The following COL5A2 variants were observed in gnomAD, a reference collection of about 807,000 sequenced individuals.
The protein encoded by COL5A2 is collagen type V alpha 2 chain.
Under a neutral mutation model 208.2 loss-of-function variants are expected in COL5A2, and 23 were observed. The ratio of observed to expected loss-of-function variants is 0.11; its 90% CI spans 0.08 to 0.16. The LOEUF is 0.16. Ranked by LOEUF, COL5A2 falls within the 10% of genes least tolerant of loss-of-function variation. The pLI, the probability that COL5A2 is intolerant of heterozygous loss-of-function variation, is 1.00. For missense variants in COL5A2, 1,590 were observed against 1,956.4 expected, an observed-to-expected ratio of 0.81 and a Z score of 3.53; for synonymous variants, 625 against 628.5, an observed-to-expected ratio of 0.99 and a Z score of 0.08.
chr2:189,192,241 G>T (rs1688940536), intron 1 of COL5A2, among the ~76,000 whole-genome samples: 1 of 151,976 alleles, frequency 6.6e-6, no homozygotes, highest in Non-Finnish European at 1.5e-5. Context: ...TGAAGAAAAG[G>T]AAATGAATAC....
intron 1 of COL5A2, among the ~76,000 whole-genome samples, chr2:189,149,238 A>C (rs1258830260): frequency 6.6e-6 from 1 of 152,224 alleles, no homozygotes; most frequent in Non-Finnish European, 1.5e-5. Flanking sequence ...TGTTAGGTGA[A>C]GATTTTCCCA....
At chr2:189,058,972 A>G in intron 31 of COL5A2, 79 bp from the exon 32 acceptor site, 1 of 1,152,528 alleles carries the variant, frequency 8.7e-7, no homozygotes, top group East Asian at 2.4e-5. Flanking sequence ...CAGTTCATAC[A>G]CCTAGTTTCT....
the COL5A2 span, among the ~76,000 whole-genome samples, chr2:189,270,792 TA>T: frequency 6.6e-5 from 10 of 152,134 alleles, no homozygotes; most frequent in Non-Finnish European, 1.3e-4. Flanking sequence ...CTTAAGCTGA[TA>T]AGCAACTTCA....
At chr2:189,151,189 T>TA (rs1688134520) in intron 1 of COL5A2, among the ~76,000 whole-genome samples, 1 of 152,112 alleles carries the variant, frequency 6.6e-6, no homozygotes, top group Non-Finnish European at 1.5e-5. Flanking sequence ...ATCTTACTCT[T>TA]ACATTCTTTG....
the COL5A2 span, among the ~76,000 whole-genome samples, chr2:189,267,818 T>C: frequency 1.3e-5 from 2 of 152,244 alleles, no homozygotes; most frequent in South Asian, 2.1e-4. Flanking sequence ...TGGCCAACTA[T>C]GAAAATAAAT....
chr2:189,238,994 C>G, the COL5A2 span, among the ~76,000 whole-genome samples: 5 of 152,166 alleles, frequency 3.3e-5, no homozygotes, highest in Admixed American at 2.0e-4. Flanking sequence ...ATTAGGTATT[C>G]TTTTTACACA....
At chr2:189,336,864 T>C in the COL5A2 span, among the ~76,000 whole-genome samples, 1 of 152,166 alleles carries the variant, frequency 6.6e-6, no homozygotes, top group Non-Finnish European at 1.5e-5. Context: ...CTTTAAACAT[T>C]AAATAAACAT....
At chr2:189,134,991 C>T (rs182889999) in intron 1 of COL5A2, among the ~76,000 whole-genome samples, 30 of 152,098 alleles carry the variant, frequency 2.0e-4, no homozygotes, top group African/African-American at 6.7e-4. Flanking sequence ...AGTTATCTTG[C>T]CTTTAAGGAT....
chr2:189,034,789 A>G, intron 53 of COL5A2, 127 bp downstream of exon 53: 4 of 1,066,696 alleles, frequency 3.7e-6, no homozygotes, highest in Non-Finnish European at 4.2e-6. Flanking sequence ...AGGAATGACT[A>G]TAAACAAACT....
the COL5A2 span, among the ~76,000 whole-genome samples, chr2:189,438,510 A>G: frequency 1.3e-5 from 2 of 152,234 alleles, no homozygotes; most frequent in Non-Finnish European, 2.9e-5. Context: ...AATACCACTC[A>G]GCAATATAAA....
the COL5A2 span, among the ~76,000 whole-genome samples, chr2:189,300,866 C>G: frequency 2.5e-4 from 38 of 152,268 alleles, no homozygotes; most frequent in African/African-American, 8.4e-4. Flanking sequence ...TGTTCACCAT[C>G]TCAAAGGATT....
At chr2:189,199,527 C>G (rs1689045817) in intron 1 of COL5A2, among the ~76,000 whole-genome samples, 1 of 152,132 alleles carries the variant, frequency 6.6e-6, no homozygotes, top group Non-Finnish European at 1.5e-5. Context: ...TACAAGCAAA[C>G]AGATGTTTAT....
At chr2:189,040,934 C>T (rs1685547798) in intron 50 of COL5A2, among the ~76,000 whole-genome samples, 1 of 152,038 alleles carries the variant, frequency 6.6e-6, no homozygotes, top group African/African-American at 2.4e-5. Context: ...AACAGTATTG[C>T]TATGAAGGGC....
the COL5A2 span, among the ~76,000 whole-genome samples, chr2:189,262,004 T>G: frequency 6.6e-6 from 1 of 152,158 alleles, no homozygotes; most frequent in Non-Finnish European, 1.5e-5. Context: ...AAATAATTAT[T>G]TTCTATTATT....
the COL5A2 span, among the ~76,000 whole-genome samples, chr2:189,241,539 A>C: frequency 6.6e-6 from 1 of 152,178 alleles, no homozygotes; most frequent in Non-Finnish European, 1.5e-5. Flanking sequence ...AAAATAAATA[A>C]AAAAATTAGA....
At chr2:189,427,769 A>G in the COL5A2 span, among the ~76,000 whole-genome samples, 2 of 151,382 alleles carry the variant, frequency 1.3e-5, no homozygotes, top group Non-Finnish European at 2.9e-5. Flanking sequence ...TAAGCTCTCA[A>G]CCCCCTGCTG....
At chr2:189,034,310 G>T in intron 53 of COL5A2, 94 bp from the exon 54 acceptor site, 1 of 1,363,592 alleles carries the variant, frequency 7.3e-7, no homozygotes, top group Non-Finnish European at 1.0e-6. Flanking sequence ...TAATGTAAAG[G>T]CAATGATTTT....
chr2:189,276,035 T>A, the COL5A2 span, among the ~76,000 whole-genome samples: 1 of 152,204 alleles, frequency 6.6e-6, no homozygotes, highest in African/African-American at 2.4e-5. Context: ...TTTAACATTA[T>A]GAAATTTTCA....
chr2:189,301,884 T>C, the COL5A2 span, among the ~76,000 whole-genome samples: 1 of 152,174 alleles, frequency 6.6e-6, no homozygotes, highest in East Asian at 1.9e-4. Context: ...CTAGTCTGTA[T>C]CTAAATCATA....
Sources: allele counts gnomAD v4.1 joint callset (sites outside exome capture counted in the v4.1 genomes callset), GRCh38; gene constraint gnomAD v4.1.1; transcripts MANE v1.5; gene names NCBI Gene and HGNC (gene_info 2026-07-23, HGNC 2026-07-21).